Variants in ABI1 observed in about 807,000 individuals in gnomAD.
ABI1 encodes the protein abl interactor 1.
ABI1 carries 14 observed loss-of-function variants against 54.6 expected under a neutral mutation model. The observed-to-expected ratio is 0.26, with a 90% confidence interval of 0.17 to 0.40. ABI1 has a LOEUF of 0.40. Among genes scored for constraint, ABI1 ranks in the 10% least tolerant of loss-of-function variants. The pLI, the probability that ABI1 is intolerant of heterozygous loss-of-function variation, is 1.00. For missense variants in ABI1, 443 were observed against 598.3 expected, an observed-to-expected ratio of 0.74 and a Z score of 2.71; for synonymous variants, 194 against 209.3, an observed-to-expected ratio of 0.93 and a Z score of 0.63.
In ABI1 at chr10:26,793,927, C is replaced by CA. The variant is rs1033999226; in HGVS notation, c.286-16687dup. Among the ~76,000 whole-genome samples, 136 of 152,150 alleles carry CA rather than the reference C, an allele frequency of 8.9e-4. No individual in the cohort carries two copies. The Middle Eastern group carries it at 0.02, about 23-fold the overall frequency. On this transcript the variant is annotated intron_variant, in intron 2 of 10. Coordinates refer to ENST00000376140, the MANE Select transcript of ABI1 (RefSeq NM_001012750.3). ...GCAACATAGTGAGACCCTGTGTCTACAAAAAATAAATTGTTTTTAATTAGC... is the reference window on the plus strand; with the variant it reads ...GCAACATAGTGAGACCCTGTGTCTACAAAAAAATAAATTGTTTTTAATTAGC...
rs543040184 is a variant in ABI1, at chr10:26,749,085, T to A, written c.1271-340A>T. ...GCAAAGCACCGGCTTTTCAAAATAA[T>A]TATCAGGCAAAGAAAGCTGCATAGC... is the stretch of plus-strand genomic sequence containing the variant. On this transcript the variant is annotated intron_variant, in intron 10 of 10. Transcript: ENST00000376140. Among the ~76,000 whole-genome samples the A allele has an allele frequency of 3.0e-4, 45 of 152,314 alleles. No individual in the cohort carries two copies. In the East Asian group the frequency reaches 8.1e-3, roughly 27 times the overall value.
intron 3 of ABI1, among the ~76,000 whole-genome samples, chr10:26,771,971 A>C (rs1840750470): frequency 6.6e-6 from 1 of 151,938 alleles, no homozygotes; most frequent in Non-Finnish European, 1.5e-5. Flanking sequence ...AATTTTTTAC[A>C]GATTTGGGGG....
intron 1 of ABI1, among the ~76,000 whole-genome samples, chr10:26,842,276 T>C (rs1377273641): frequency 6.6e-6 from 1 of 152,260 alleles, no homozygotes; most frequent in East Asian, 1.9e-4. Flanking sequence ...TCTAATCAGA[T>C]TATTTTTCTA....
chr10:26,782,540 T>G (rs149031862), intron 2 of ABI1, among the ~76,000 whole-genome samples: 3,519 of 152,062 alleles, frequency 0.023, 103 homozygotes, highest in African/African-American at 0.075. Flanking sequence ...CTGGCCAACA[T>G]GGTGAAACCC....
chr10:26,767,696 T>C (rs988512952), intron 6 of ABI1, among the ~76,000 whole-genome samples: 5 of 152,190 alleles, frequency 3.3e-5, no homozygotes, highest in Non-Finnish European at 7.3e-5. Flanking sequence ...CTTGTTATGC[T>C]CTGTAACTAA....
At chr10:26,838,752 T>A (rs1203035675) in intron 1 of ABI1, among the ~76,000 whole-genome samples, 2 of 152,188 alleles carry the variant, frequency 1.3e-5, no homozygotes, top group Non-Finnish European at 2.9e-5. Context: ...AAGAAAGACA[T>A]CTTTAAGTGA....
chr10:26,756,097 G>T (rs1162662322), intron 8 of ABI1, among the ~76,000 whole-genome samples: 1 of 152,038 alleles, frequency 6.6e-6, no homozygotes, highest in Non-Finnish European at 1.5e-5. Flanking sequence ...TCTAAAATAG[G>T]TAACAATGAA....
chr10:26,835,699 A>G (rs575854318), intron 1 of ABI1, among the ~76,000 whole-genome samples: 1 of 152,266 alleles, frequency 6.6e-6, no homozygotes, highest in East Asian at 1.9e-4. Flanking sequence ...AGATATGGGT[A>G]ATTTTTAATA....
intron 7 of ABI1, among the ~76,000 whole-genome samples, chr10:26,760,004 GT>G (rs1471629622): frequency 6.6e-6 from 1 of 150,674 alleles, no homozygotes; most frequent in Admixed American, 6.6e-5. Flanking sequence ...TTTTAAGGTA[GT>G]TTTGTTTAGC....
chr10:26,754,948 C>A (rs1052340501), intron 9 of ABI1, among the ~76,000 whole-genome samples: 6 of 146,702 alleles, frequency 4.1e-5, no homozygotes, highest in Non-Finnish European at 6.0e-5. Context: ...CTTCTCCCCC[C>A]CCACAAAAAA....
At chr10:26,833,692 C>A (rs541685229) in intron 1 of ABI1, among the ~76,000 whole-genome samples, 4 of 151,512 alleles carry the variant, frequency 2.6e-5, no homozygotes, top group Non-Finnish European at 5.9e-5. Flanking sequence ...CCATGATGAT[C>A]AAGAATATAG....
rs377364870 is a variant in ABI1 at position 26,751,592 on chromosome 10, C to A, written c.1270+6G>T. 6.2e-7 allele frequency: 1 copy of A among 1,610,478 alleles called. No homozygotes were observed. The highest frequency in any genetic ancestry group is 1.3e-5 in the African/African-American group (1 of 74,698). On this transcript the variant is annotated splice_donor_region_variant and intron_variant, in intron 10 of 10. Coordinates refer to ENST00000376140, the MANE Select transcript of ABI1 (RefSeq NM_001012750.3). ...CCTTCACATCAACTCAATGACTGTACCTTACCTTTCTCAATATAATTCTTG... is the reference window on the plus strand; with the variant it reads ...CCTTCACATCAACTCAATGACTGTAACTTACCTTTCTCAATATAATTCTTG...
chr10:26,770,716 G>A (rs918613093), intron 4 of ABI1, among the ~76,000 whole-genome samples: 1 of 152,088 alleles, frequency 6.6e-6, no homozygotes, highest in Non-Finnish European at 1.5e-5. Context: ...GCTCAAATAC[G>A]CATCTGAAAA....
At chr10:26,822,857 T>A (rs2048072531) in intron 2 of ABI1, among the ~76,000 whole-genome samples, 1 of 152,212 alleles carries the variant, frequency 6.6e-6, no homozygotes, top group Non-Finnish European at 1.5e-5. Context: ...AGAAAAGCTC[T>A]TAACAGTAGG....
chr10:26,824,920 T>C (rs57874197), intron 1 of ABI1, among the ~76,000 whole-genome samples: 3,674 of 152,322 alleles, frequency 0.024, 150 homozygotes, highest in African/African-American at 0.083. Context: ...AAATGTGCGA[T>C]AGTACTATGT....
chr10:26,840,202 T>G (rs962981588), intron 1 of ABI1, among the ~76,000 whole-genome samples: 1 of 152,008 alleles, frequency 6.6e-6, no homozygotes, highest in Admixed American at 6.6e-5. Context: ...ATGAATGGCT[T>G]GGGGTCCTCA....
rs147957853 is a variant in ABI1, at chr10:26,843,453, C to CAAAAAAA, written c.117+17287_117+17293dup. 1.1e-3 allele frequency among the ~76,000 whole-genome samples: 60 copies of CAAAAAAA among 53,032 alleles called. 5 individuals are homozygous for CAAAAAAA. Among genetic ancestry groups the CAAAAAAA allele is most frequent in the Non-Finnish European group, 1.9e-3 (47 of 24,818 alleles). 34.8% of individuals were successfully genotyped at this position (53,032 alleles called of 152,430 possible). A position where few individuals can be genotyped will look rare whatever the true frequency, so the allele number is the denominator to read the frequency against. On this transcript the variant is annotated intron_variant, in intron 1 of 10. Transcript: ENST00000376140. ...TTTATGACATAGCAAGACTCCGTCT[C>CAAAAAAA]AAAAAAAAAAAAAAAAAAAAAAAAA... is the stretch of plus-strand genomic sequence containing the variant.
At chr10:26,800,311 G>A (rs1374221336) in intron 2 of ABI1, among the ~76,000 whole-genome samples, 1 of 152,286 alleles carries the variant, frequency 6.6e-6, no homozygotes, top group South Asian at 2.1e-4. Flanking sequence ...CTTGAACCCT[G>A]GAGGCAGAGG....
intron 2 of ABI1, among the ~76,000 whole-genome samples, chr10:26,785,711 T>A (rs1842657873): frequency 6.7e-6 from 1 of 149,826 alleles, no homozygotes; most frequent in African/African-American, 2.5e-5. Context: ...GGCGACAGAG[T>A]CAGACTCTGT....
Sources: allele counts gnomAD v4.1 joint callset (sites outside exome capture counted in the v4.1 genomes callset), GRCh38; gene constraint gnomAD v4.1.1; transcripts MANE v1.5; gene names NCBI Gene and HGNC (gene_info 2026-07-23, HGNC 2026-07-21).